Variants in RABGAP1L observed in about 807,000 individuals in gnomAD.
RABGAP1L encodes RAB GTPase activating protein 1 like.
In RABGAP1L, 63 loss-of-function variants were observed where a neutral mutation model predicts 137.7. The ratio of observed to expected loss-of-function variants is 0.46; its 90% CI spans 0.37 to 0.56. The LOEUF (loss-of-function observed/expected upper bound fraction) is 0.56. Among genes scored for constraint, RABGAP1L ranks in the 20% least tolerant of loss-of-function variants. RABGAP1L has a pLI of 0.00. For synonymous variants in RABGAP1L, 431 were observed against 433.7 expected (o/e 0.99, Z 0.08); for missense variants, 1,095 against 1,244.0 (o/e 0.88, Z 1.80).
intron 13 of RABGAP1L, among the ~76,000 whole-genome samples, chr1:174,557,772 GAGTTTTA>G (rs1404581107): frequency 9.2e-5 from 14 of 152,214 alleles, no homozygotes; most frequent in African/African-American, 3.4e-4. Context: ...TTAGGAGTTA[GAGTTTTA>G]CATCCTTCAG....
intron 13 of RABGAP1L, among the ~76,000 whole-genome samples, chr1:174,525,890 C>T (rs772495611): frequency 2.6e-5 from 4 of 152,036 alleles, no homozygotes; most frequent in Admixed American, 2.0e-4. Flanking sequence ...TTGAAATGAT[C>T]GTATGGTTTT....
At chr1:174,370,890 G>T in intron 11 of RABGAP1L, 89 bp from the exon 12 acceptor site, 1 of 594,544 alleles carries the variant, frequency 1.7e-6, no homozygotes. Flanking sequence ...GGTTTTATTA[G>T]ACATGGAGTC....
chr1:174,190,243 C>T (rs1168798636), intron 1 of RABGAP1L, among the ~76,000 whole-genome samples: 2 of 141,954 alleles, frequency 1.4e-5, no homozygotes, highest in Non-Finnish European at 3.0e-5. Flanking sequence ...GCAGAGGTTG[C>T]GGTGAGCCAA....
At chr1:174,571,744 C>G (rs1460903335) in intron 13 of RABGAP1L, among the ~76,000 whole-genome samples, 1 of 152,066 alleles carries the variant, frequency 6.6e-6, no homozygotes. Flanking sequence ...TGCAGAATCT[C>G]AAAAGGGCAA....
At chr1:174,205,407 A>T (rs958167020) in intron 1 of RABGAP1L, among the ~76,000 whole-genome samples, 1 of 151,928 alleles carries the variant, frequency 6.6e-6, no homozygotes, top group African/African-American at 2.4e-5. Flanking sequence ...CTGTGAATCC[A>T]TCAGGTCCTG....
intron 13 of RABGAP1L, among the ~76,000 whole-genome samples, chr1:174,416,095 G>A (rs1650561951): frequency 6.9e-6 from 1 of 145,864 alleles, no homozygotes; most frequent in African/African-American, 2.6e-5. Context: ...GTGAGCTGCA[G>A]TTTTTCCAAC....
chr1:174,463,668 AAAAT>A (rs1656969387), intron 13 of RABGAP1L, among the ~76,000 whole-genome samples: 1 of 152,142 alleles, frequency 6.6e-6, no homozygotes, highest in Admixed American at 6.5e-5. Context: ...TAATAATAAT[AAAAT>A]AAAAAAGAAG....
chr1:174,372,390 T>C (rs986993286), intron 12 of RABGAP1L, among the ~76,000 whole-genome samples: 1 of 152,176 alleles, frequency 6.6e-6, no homozygotes, highest in African/African-American at 2.4e-5. Context: ...TGGTTGGTTA[T>C]AGGCAGTGCT....
chr1:174,273,661 G>A (rs1674740341), intron 8 of RABGAP1L, among the ~76,000 whole-genome samples: 1 of 151,810 alleles, frequency 6.6e-6, no homozygotes, highest in Admixed American at 6.6e-5. Context: ...GGAGGATTGA[G>A]GTAATGAAAA....
intron 18 of RABGAP1L, among the ~76,000 whole-genome samples, chr1:174,763,292 GT>G (rs1316382565): frequency 2.6e-5 from 4 of 151,886 alleles, no homozygotes; most frequent in Admixed American, 1.3e-4. Context: ...GCTGAGGTGG[GT>G]GGATCAGAGG....
At chr1:174,285,295 G>A (rs1037345764) in intron 10 of RABGAP1L, among the ~76,000 whole-genome samples, 4 of 152,204 alleles carry the variant, frequency 2.6e-5, no homozygotes, top group Admixed American at 2.6e-4. Context: ...AGGATTACCG[G>A]CATGAGCCAC....
intron 17 of RABGAP1L, among the ~76,000 whole-genome samples, chr1:174,728,594 C>CTTTTTTTTTTTT (rs1294397296): frequency 8.7e-6 from 1 of 114,626 alleles, no homozygotes; most frequent in Non-Finnish European, 1.8e-5. Context: ...CTACCAGTGT[C>CTTTTTTTTTTTT]TTTTTTTTTT....
intron 18 of RABGAP1L, among the ~76,000 whole-genome samples, chr1:174,791,683 C>T (rs956888475): frequency 6.6e-6 from 1 of 152,166 alleles, no homozygotes; most frequent in South Asian, 2.1e-4. Flanking sequence ...AGGGGATGAA[C>T]GAACTGAGAT....
At chr1:174,251,364 C>CT (rs1191674373) in intron 6 of RABGAP1L, among the ~76,000 whole-genome samples, 164 of 144,790 alleles carry the variant, frequency 1.1e-3, no homozygotes, top group Middle Eastern at 3.6e-3. Context: ...TTAACCATTT[C>CT]TTTTTTTTTT....
At chr1:174,917,565 A>C (rs1011526566) in intron 19 of RABGAP1L, among the ~76,000 whole-genome samples, 1 of 152,184 alleles carries the variant, frequency 6.6e-6, no homozygotes, top group Non-Finnish European at 1.5e-5. Context: ...TTCCAAACAC[A>C]ATCACTGCAG....
chr1:174,520,829 C>T (rs749447608), intron 13 of RABGAP1L, among the ~76,000 whole-genome samples: 35 of 151,946 alleles, frequency 2.3e-4, no homozygotes, highest in Non-Finnish European at 3.7e-4. Context: ...GGTGAAACCC[C>T]GTCTCTACTA....
At chr1:174,493,902 G>A (rs1477374437) in intron 13 of RABGAP1L, among the ~76,000 whole-genome samples, 1 of 151,658 alleles carries the variant, frequency 6.6e-6, no homozygotes, top group African/African-American at 2.4e-5. Context: ...GGTATTTGAG[G>A]TTTATCCAGA....
rs1355526301 is a variant in RABGAP1L, at chr1:174,380,357, G to T, written c.1559+9285G>T. 9.8e-3 allele frequency among the ~76,000 whole-genome samples: 1,486 copies of T among 151,436 alleles called. 14 individuals are homozygous for T. Among genetic ancestry groups the T allele is most frequent in the Non-Finnish European group, 0.016 (1,049 of 67,540 alleles). ...TCTATTGATTGGAATAGTTTCAGAA[G>T]GAATGGTACCGGTTCCTCCTTGTAC... On this transcript the variant is annotated intron_variant, in intron 12 of 25. Transcript: ENST00000681986.
intron 14 of RABGAP1L, among the ~76,000 whole-genome samples, chr1:174,671,674 A>G (rs1389469055): frequency 1.3e-5 from 2 of 152,062 alleles, no homozygotes; most frequent in African/African-American, 4.8e-5. Context: ...GTGGTTGATG[A>G]TCTTTTCGAT....
Sources: gnomAD v4.1 joint callset for allele counts (sites outside exome capture counted in the v4.1 genomes callset) on GRCh38, gnomAD v4.1.1 for gene constraint, MANE v1.5 for transcripts, NCBI Gene and HGNC (gene_info 2026-07-23, HGNC 2026-07-21) for gene names.